The following KHDRBS3 variants were observed in gnomAD, a reference collection of about 807,000 sequenced individuals.
The protein encoded by KHDRBS3 is KH RNA binding domain containing, signal transduction associated 3.
KHDRBS3 carries 23 observed loss-of-function variants against 45.6 expected under a neutral mutation model. The ratio of observed to expected loss-of-function variants is 0.50; its 90% CI spans 0.36 to 0.72. The LOEUF (loss-of-function observed/expected upper bound fraction) is 0.72, where lower values mean the gene tolerates loss of function less well. Ranked by LOEUF, KHDRBS3 falls within the 30% of genes least tolerant of loss-of-function variation. KHDRBS3 has a pLI of 0.00. For synonymous variants in KHDRBS3, 162 were observed against 156.5 expected, an observed-to-expected ratio of 1.04 and a Z score of -0.26; for missense variants, 352 against 424.8, an observed-to-expected ratio of 0.83 and a Z score of 1.51.
chr8:135,565,672 T>C (rs1304345140), intron 5 of KHDRBS3, among the ~76,000 whole-genome samples: 1 of 152,170 alleles, frequency 6.6e-6, no homozygotes, highest in Non-Finnish European at 1.5e-5. Context: ...TGTGGCTCCC[T>C]ATCTCTGGCT....
intron 8 of KHDRBS3, among the ~76,000 whole-genome samples, chr8:135,646,036 A>G (rs1831275088): frequency 7.6e-6 from 1 of 131,216 alleles, no homozygotes. Flanking sequence ...ATCCGTAACA[A>G]ACACTTAAGA....
At chr8:135,478,791 A>G (rs1822422875) in intron 1 of KHDRBS3, among the ~76,000 whole-genome samples, 1 of 152,218 alleles carries the variant, frequency 6.6e-6, no homozygotes, top group Non-Finnish European at 1.5e-5. Context: ...AAATGAAGAC[A>G]CTACATGTCA....
intron 1 of KHDRBS3, among the ~76,000 whole-genome samples, chr8:135,508,410 G>A (rs1824114916): frequency 6.6e-6 from 1 of 152,168 alleles, no homozygotes; most frequent in Admixed American, 6.5e-5. Flanking sequence ...AGTGCAGTCT[G>A]AACAGAACTA....
intron 2 of KHDRBS3, among the ~76,000 whole-genome samples, chr8:135,531,342 A>G (rs1282301876): frequency 1.3e-5 from 2 of 152,146 alleles, no homozygotes; most frequent in African/African-American, 4.8e-5. Flanking sequence ...ACTACTAATA[A>G]TACCTAGTGA....
intron 7 of KHDRBS3, among the ~76,000 whole-genome samples, chr8:135,626,209 T>A (rs887067981): frequency 6.6e-6 from 1 of 152,360 alleles, no homozygotes; most frequent in African/African-American, 2.4e-5. Flanking sequence ...AGATTTTTTT[T>A]AAACTTTTAC....
chr8:135,624,278 G>C (rs1830266998), intron 7 of KHDRBS3, among the ~76,000 whole-genome samples: 1 of 152,160 alleles, frequency 6.6e-6, no homozygotes, highest in Non-Finnish European at 1.5e-5. Context: ...GGAGTCCCCA[G>C]TGGGCAAAGG....
At chr8:135,618,505 T>G (rs1348422404) in intron 7 of KHDRBS3, among the ~76,000 whole-genome samples, 1 of 152,230 alleles carries the variant, frequency 6.6e-6, no homozygotes, top group Non-Finnish European at 1.5e-5. Flanking sequence ...ATGGTAACTA[T>G]ATTTCTCTCC....
At chr8:135,529,368 A>G (rs1825351824) in intron 2 of KHDRBS3, among the ~76,000 whole-genome samples, 1 of 152,212 alleles carries the variant, frequency 6.6e-6, no homozygotes, top group Non-Finnish European at 1.5e-5. Context: ...GGTATTTACA[A>G]ATATGACAGC....
chr8:135,639,285 T>C (rs1830957617), intron 7 of KHDRBS3, among the ~76,000 whole-genome samples: 1 of 152,032 alleles, frequency 6.6e-6, no homozygotes, highest in Non-Finnish European at 1.5e-5. Context: ...ATATATGAAG[T>C]TGAAGATTGA....
chr8:135,646,441 T>C (rs1831291557), intron 8 of KHDRBS3, among the ~76,000 whole-genome samples: 1 of 152,242 alleles, frequency 6.6e-6, no homozygotes, highest in African/African-American at 2.4e-5. Flanking sequence ...GAAGTGAAGT[T>C]CAACCCAATG....
intron 6 of KHDRBS3, among the ~76,000 whole-genome samples, chr8:135,599,148 A>G (rs1829097013): frequency 6.6e-6 from 1 of 152,226 alleles, no homozygotes; most frequent in African/African-American, 2.4e-5. Context: ...CAAATGAAGA[A>G]TCTCCACCTG....
intron 4 of KHDRBS3, among the ~76,000 whole-genome samples, chr8:135,554,704 T>C (rs112292034): frequency 0.013 from 1,930 of 152,296 alleles, 44 homozygotes; most frequent in Non-Finnish European, 0.013. Flanking sequence ...CTGATTATGA[T>C]TTTAACTTTC....
chr8:135,584,405 AC>A (rs1828362865), intron 6 of KHDRBS3, among the ~76,000 whole-genome samples: 1 of 152,252 alleles, frequency 6.6e-6, no homozygotes, highest in Admixed American at 6.5e-5. Flanking sequence ...GAAAAGAAAT[AC>A]CATCATGAGT....
At chr8:135,469,506 G>GTTTTTT (rs1356499436) in intron 1 of KHDRBS3, among the ~76,000 whole-genome samples, 2 of 111,280 alleles carry the variant, frequency 1.8e-5, no homozygotes, top group Admixed American at 8.9e-5. Context: ...CCAGGATGGT[G>GTTTTTT]TTTTTTTTTT....
chr8:135,628,489 A>C (rs1830465254), intron 7 of KHDRBS3, among the ~76,000 whole-genome samples: 1 of 152,268 alleles, frequency 6.6e-6, no homozygotes, highest in Non-Finnish European at 1.5e-5. Flanking sequence ...TGAAATAGAC[A>C]TAAGAGCTTT....
At chr8:135,546,853 G>C (rs1826330106) in intron 3 of KHDRBS3, among the ~76,000 whole-genome samples, 1 of 152,098 alleles carries the variant, frequency 6.6e-6, no homozygotes, top group Non-Finnish European at 1.5e-5. Context: ...AATCTGTAGA[G>C]TAGTTTGGTA....
rs72732361 is a variant in KHDRBS3 at position 135,536,495 on chromosome 8, G to A, written c.208-6159G>A. On this transcript the variant is annotated intron_variant, in intron 2 of 8. Transcript: ENST00000355849. ...CTCAGGTTCGCAGGACAGTCACATC[G>A]TTGTATTTTAAGCAGAGGTGTAATA... Among the ~76,000 whole-genome samples, 559 of 152,122 alleles carry A rather than the reference G, an allele frequency of 3.7e-3. 2 individuals carry two copies. Among genetic ancestry groups the A allele is most frequent in the Non-Finnish European group, 5.3e-3 (358 of 68,006 alleles).
chr8:135,499,294 T>C (rs1037306066), intron 1 of KHDRBS3, among the ~76,000 whole-genome samples: 1 of 152,232 alleles, frequency 6.6e-6, no homozygotes, highest in African/African-American at 2.4e-5. Context: ...CAGTCCTGCA[T>C]ATTAAGCATA....
chr8:135,613,536 T>C (rs1372703171), intron 7 of KHDRBS3, among the ~76,000 whole-genome samples: 1 of 151,634 alleles, frequency 6.6e-6, no homozygotes, highest in Non-Finnish European at 1.5e-5. Flanking sequence ...ATGGTTTGCA[T>C]AGGGAGGTAG....
Sources: allele counts gnomAD v4.1 joint callset (sites outside exome capture counted in the v4.1 genomes callset), GRCh38; gene constraint gnomAD v4.1.1; transcripts MANE v1.5; gene names NCBI Gene and HGNC (gene_info 2026-07-23, HGNC 2026-07-21).